SHC3: variants seen among roughly 807,000 people sequenced by gnomAD.
SHC3 encodes the protein SHC-transforming protein 3.
Under a neutral mutation model 60.4 loss-of-function variants are expected in SHC3, and 15 were observed. That is an observed-to-expected ratio of 0.25 (90% CI 0.17 to 0.38). The LOEUF (loss-of-function observed/expected upper bound fraction) is 0.38. Among genes scored for constraint, SHC3 ranks in the 10% least tolerant of loss-of-function variants. The pLI is 1.00. For synonymous variants in SHC3, 294 were observed against 325.9 expected (o/e 0.90, Z 1.05); for missense variants, 677 against 786.1 (o/e 0.86, Z 1.66).
In SHC3 at chr9:89,120,515, C is replaced by T. The variant is rs535356267; in HGVS notation, c.475-7889G>A. Among the ~76,000 whole-genome samples, 3 of 152,204 alleles carry T rather than the reference C, an allele frequency of 2.0e-5. No individual in the cohort carries two copies. The South Asian group carries it at 6.2e-4, about 32-fold the overall frequency. On this transcript the variant is annotated intron_variant, in intron 1 of 11. Coordinates refer to ENST00000375835, the MANE Select transcript of SHC3 (RefSeq NM_016848.6). ...CACTGAAAAAGATACAATTTTTCAC[C>T]CAGCAGAATGGTCAAATTTGGTGAG... is the stretch of plus-strand genomic sequence containing the variant.
At chr9:89,015,825 A>G (rs1826084385) in intron 11 of SHC3, among the ~76,000 whole-genome samples, 1 of 152,246 alleles carries the variant, frequency 6.6e-6, no homozygotes, top group Admixed American at 6.5e-5. Flanking sequence ...GTGCATCGTA[A>G]AGAGGAAATA....
At chr9:89,070,458 T>C (rs561010993) in intron 5 of SHC3, among the ~76,000 whole-genome samples, 16 of 152,138 alleles carry the variant, frequency 1.1e-4, no homozygotes, top group Non-Finnish European at 1.3e-4. Flanking sequence ...AGCAGCCAAT[T>C]TGTGTGTGGA....
At chr9:89,123,271 T>C (rs911149740) in intron 1 of SHC3, among the ~76,000 whole-genome samples, 2 of 152,180 alleles carry the variant, frequency 1.3e-5, no homozygotes, top group African/African-American at 4.8e-5. Flanking sequence ...ATAAAAAAAC[T>C]AAAAATATTT....
At chr9:89,059,029 A>AATGTGGTGGAGG (rs1825010012) in intron 6 of SHC3, among the ~76,000 whole-genome samples, 1 of 108,286 alleles carries the variant, frequency 9.2e-6, no homozygotes, top group Non-Finnish European at 1.9e-5. Context: ...GGTGGTGGAG[A>AATGTGGTGGAGG]ACGTGGTGGA....
intron 3 of SHC3, among the ~76,000 whole-genome samples, chr9:89,075,997 T>A (rs1435101606): frequency 6.6e-6 from 1 of 152,124 alleles, no homozygotes; most frequent in East Asian, 1.9e-4. Context: ...TTTGATATGC[T>A]AATTAGTTCC....
At chr9:89,092,430 A>C (rs1343040541) in intron 2 of SHC3, among the ~76,000 whole-genome samples, 1 of 152,100 alleles carries the variant, frequency 6.6e-6, no homozygotes, top group African/African-American at 2.4e-5. Context: ...ATCCTGGCTA[A>C]CACGGTGAAA....
chr9:89,062,662 T>C (rs187620756), intron 6 of SHC3, among the ~76,000 whole-genome samples: 1 of 152,336 alleles, frequency 6.6e-6, no homozygotes, highest in African/African-American at 2.4e-5. Flanking sequence ...CCTGATGGTC[T>C]TTAGGGGCTG....
At chr9:89,028,718 A>G (rs1824416144) in intron 11 of SHC3, among the ~76,000 whole-genome samples, 1 of 144,534 alleles carries the variant, frequency 6.9e-6, no homozygotes, top group African/African-American at 2.6e-5. Context: ...ATATATCTAT[A>G]TAGAGAATAT....
chr9:89,093,153 C>T (rs1013266955), intron 2 of SHC3, among the ~76,000 whole-genome samples: 3 of 152,174 alleles, frequency 2.0e-5, no homozygotes, highest in Non-Finnish European at 2.9e-5. Flanking sequence ...TCATAAGCAC[C>T]TGTACAATTT....
intron 9 of SHC3, 95 bp downstream of exon 9, chr9:89,045,651 C>CT (rs1194910057): frequency 9.5e-7 from 1 of 1,055,676 alleles, no homozygotes; most frequent in Non-Finnish European, 1.4e-6. Context: ...AGGGGTCACT[C>CT]TGTCAGTCCA....
intron 1 of SHC3, among the ~76,000 whole-genome samples, chr9:89,132,168 AAGAGAAT>A (rs1332309597): frequency 2.0e-5 from 3 of 152,202 alleles, no homozygotes; most frequent in South Asian, 2.1e-4. Flanking sequence ...AATTGCTTCA[AAGAGAAT>A]AAAATACCTA....
intron 1 of SHC3, among the ~76,000 whole-genome samples, chr9:89,126,143 T>G (rs936108521): frequency 2.6e-5 from 4 of 152,106 alleles, no homozygotes; most frequent in African/African-American, 4.8e-5. Flanking sequence ...CAACACCAGT[T>G]GGCTGACTAT....
chr9:89,170,780 T>C (rs950660984), intron 1 of SHC3, among the ~76,000 whole-genome samples: 2 of 152,204 alleles, frequency 1.3e-5, no homozygotes, highest in African/African-American at 4.8e-5. Context: ...CAATGCAGTA[T>C]AACAAATATT....
At chr9:89,043,854 A>G (rs549263362) in intron 9 of SHC3, among the ~76,000 whole-genome samples, 1 of 152,128 alleles carries the variant, frequency 6.6e-6, no homozygotes, top group African/African-American at 2.4e-5. Flanking sequence ...AGGTTTCACC[A>G]TGTTGGCCAG....
At chr9:89,087,775 G>C (rs755128661) in intron 2 of SHC3, among the ~76,000 whole-genome samples, 10 of 152,130 alleles carry the variant, frequency 6.6e-5, no homozygotes, top group South Asian at 2.1e-4. Flanking sequence ...GGTCCTGATG[G>C]GAAGAGGGGG....
At chr9:89,063,893 A>T (rs377472419) in intron 6 of SHC3, among the ~76,000 whole-genome samples, 9 of 152,374 alleles carry the variant, frequency 5.9e-5, no homozygotes, top group East Asian at 5.8e-4. Flanking sequence ...GGCCTGTCTT[A>T]ATCAGCTGGG....
chr9:89,130,135 G>A (rs770121225), intron 1 of SHC3, among the ~76,000 whole-genome samples: 4 of 152,080 alleles, frequency 2.6e-5, no homozygotes, highest in Non-Finnish European at 5.9e-5. Flanking sequence ...GATAAAACAG[G>A]CTTCAAACCA....
At chr9:89,157,104 C>T (rs1456077250) in intron 1 of SHC3, among the ~76,000 whole-genome samples, 1 of 152,144 alleles carries the variant, frequency 6.6e-6, no homozygotes, top group Non-Finnish European at 1.5e-5. Flanking sequence ...AAGGGTTACA[C>T]TTAAATACCC....
chr9:89,022,253 G>A (rs2118646523), intron 11 of SHC3, among the ~76,000 whole-genome samples: 1 of 152,040 alleles, frequency 6.6e-6, no homozygotes, highest in East Asian at 1.9e-4. Context: ...CCTAGAAGGA[G>A]ATTCAAGGAC....
Sources: gnomAD v4.1 joint callset for allele counts (sites outside exome capture counted in the v4.1 genomes callset) on GRCh38, gnomAD v4.1.1 for gene constraint, MANE v1.5 for transcripts, NCBI Gene and HGNC (gene_info 2026-07-23, HGNC 2026-07-21) for gene names.